Variants in ASMTL observed in about 807,000 individuals in gnomAD.
ASMTL encodes the protein probable bifunctional dTTP/UTP pyrophosphatase/methyltransferase protein.
ASMTL carries 57 observed loss-of-function variants against 60.3 expected under a neutral mutation model. The ratio of observed to expected loss-of-function variants is 0.95; its 90% CI spans 0.76 to 1.18. The LOEUF is 1.18. Ranked by LOEUF, ASMTL falls within the 50% of genes most tolerant of loss-of-function variation. The probability of loss-of-function intolerance (pLI) is 0.00; values close to 1 mark genes in which losing one functional copy is unlikely to be tolerated. For missense variants in ASMTL, 981 were observed against 852.6 expected (o/e 1.15, Z -1.88); for synonymous variants, 419 against 373.0 (o/e 1.12, Z -1.42).
chrX:1,436,504 C>T (rs1469527710), intron 3 of ASMTL, among the ~76,000 whole-genome samples: 2 of 152,186 alleles, frequency 1.3e-5, no homozygotes, highest in Non-Finnish European at 2.9e-5. Flanking sequence ...AGGCGCCCGC[C>T]ACCACACCCG....
intron 7 of ASMTL, among the ~76,000 whole-genome samples, chrX:1,427,305 C>T (rs5949095): frequency 0.65 from 98,020 of 151,620 alleles, 32,571 homozygotes; most frequent in East Asian, 0.83. Context: ...TGTGGTCCTC[C>T]TGAAAGATCT....
At chrX:1,423,352 G>A (rs765962824) in intron 8 of ASMTL, among the ~76,000 whole-genome samples, 142 of 152,152 alleles carry the variant, frequency 9.3e-4, no homozygotes, top group African/African-American at 3.2e-3. Flanking sequence ...TCTGTGGTAA[G>A]GGCACAGCCT....
chrX:1,415,623 G>A (rs2090215130), intron 11 of ASMTL, among the ~76,000 whole-genome samples: 1 of 151,852 alleles, frequency 6.6e-6, no homozygotes, highest in Admixed American at 6.6e-5. Flanking sequence ...CCGCCACCAC[G>A]CCCGGCTAAT....
At chrX:1,451,109 C>G (rs1481865926) in intron 1 of ASMTL, among the ~76,000 whole-genome samples, 75 of 62,232 alleles carry the variant, frequency 1.2e-3, no homozygotes, top group Middle Eastern at 0.031. Flanking sequence ...CATCCCTAGG[C>G]GGTCCTGGAT....
rs1308381532 is a variant in ASMTL, at chrX:1,428,229, C to T, written c.510-108G>A. On this transcript the variant is annotated intron_variant, in intron 6 of 12. Coordinates refer to ENST00000381317, the MANE Select transcript of ASMTL (RefSeq NM_004192.4). Reference sequence around the variant, plus strand: ...TGGGTGGATCACGAGGTCGGGAGATCGAGGCCATCCTGGCTAACACAGTGA... The same window carrying T: ...TGGGTGGATCACGAGGTCGGGAGATTGAGGCCATCCTGGCTAACACAGTGA... The T allele has an allele frequency of 1.0e-5, 14 of 1,373,768 alleles. No individual in the cohort carries two copies. The African/African-American group carries it at 1.3e-4, about 13-fold the overall frequency. The allele number at this position is 1,373,768 out of a possible 1,614,324, so 85.1% of individuals were successfully genotyped here.
intron 12 of ASMTL, among the ~76,000 whole-genome samples, chrX:1,411,813 T>C (rs1387625666): frequency 8.0e-4 from 84 of 104,952 alleles, no homozygotes; most frequent in African/African-American, 2.6e-3. Context: ...TTTCTTTTTT[T>C]TTTTTTTTTT....
intron 3 of ASMTL, among the ~76,000 whole-genome samples, chrX:1,436,025 G>A (rs1316672152): frequency 1.3e-5 from 2 of 152,058 alleles, no homozygotes; most frequent in Non-Finnish European, 2.9e-5. Flanking sequence ...CCTGGTAACC[G>A]CCCATCCTCT....
intron 1 of ASMTL, among the ~76,000 whole-genome samples, chrX:1,444,296 T>C (rs1422220208): frequency 2.0e-5 from 3 of 150,656 alleles, no homozygotes; most frequent in East Asian, 2.0e-4. Flanking sequence ...GCAAGCTCCA[T>C]CTCCCAGGAT....
intron 11 of ASMTL, among the ~76,000 whole-genome samples, chrX:1,416,686 GCAGA>G (rs1292092295): frequency 6.7e-6 from 1 of 149,434 alleles, no homozygotes; most frequent in Non-Finnish European, 1.5e-5. Context: ...AAACGCAGAT[GCAGA>G]CACAGAGACA....
intron 9 of ASMTL, among the ~76,000 whole-genome samples, chrX:1,420,715 C>G (rs760279739): frequency 6.6e-6 from 1 of 152,240 alleles, no homozygotes; most frequent in Admixed American, 6.5e-5. Flanking sequence ...TTGCAAACAG[C>G]GGCCTCAGAT....
At chrX:1,447,314 A>G (rs1310103163) in intron 1 of ASMTL, among the ~76,000 whole-genome samples, 1 of 152,230 alleles carries the variant, frequency 6.6e-6, no homozygotes, top group Non-Finnish European at 1.5e-5. Flanking sequence ...CATCTTGGAC[A>G]CACACCGCCA....
In ASMTL at chrX:1,413,421, C is replaced by T. The variant is rs774641709; in HGVS notation, c.1523-567G>A. Reference sequence around the variant, plus strand: ...GGCAGGCAGAGTCGGCGCACATGGGCGTGTGCCAGGGAGAGTCGGGGCCGC... The same window carrying T: ...GGCAGGCAGAGTCGGCGCACATGGGTGTGTGCCAGGGAGAGTCGGGGCCGC... On this transcript the variant is annotated intron_variant, in intron 11 of 12. Coordinates refer to ENST00000381317, the MANE Select transcript of ASMTL (RefSeq NM_004192.4). Among the ~76,000 whole-genome samples, 6 of 152,296 alleles carry T rather than the reference C, an allele frequency of 3.9e-5. No homozygotes were observed. In the South Asian group the frequency reaches 6.2e-4, roughly 16 times the overall value.
intron 11 of ASMTL, among the ~76,000 whole-genome samples, chrX:1,415,010 G>A (rs2090182460): frequency 6.6e-6 from 1 of 151,452 alleles, no homozygotes; most frequent in African/African-American, 2.4e-5. Flanking sequence ...GCGCGATCTC[G>A]GCTCACGGCA....
intron 7 of ASMTL, among the ~76,000 whole-genome samples, chrX:1,426,484 G>A (rs1219563891): frequency 1.3e-5 from 2 of 152,158 alleles, no homozygotes; most frequent in African/African-American, 2.4e-5. Flanking sequence ...GCCCTGTGAG[G>A]GACCCCTGGT....
At chrX:1,436,453 C>T (rs1360195039) in intron 3 of ASMTL, among the ~76,000 whole-genome samples, 1 of 150,072 alleles carries the variant, frequency 6.7e-6, no homozygotes, top group East Asian at 1.9e-4. Context: ...CCCGGGTTCA[C>T]GCCATTCTCC....
At chrX:1,435,167 A>C in intron 4 of ASMTL, 84 bp from the exon 5 acceptor site, 3 of 1,411,728 alleles carry the variant, frequency 2.1e-6, no homozygotes, top group Non-Finnish European at 3.0e-6. Flanking sequence ...CAGGGGAGGC[A>C]GCGAGGCGTC....
At chrX:1,431,337 AATT>A (rs1359410952) in intron 6 of ASMTL, among the ~76,000 whole-genome samples, 4 of 132,252 alleles carry the variant, frequency 3.0e-5, no homozygotes, top group African/African-American at 1.1e-4. Context: ...AATTATAAAT[AATT>A]ATAAATATAA....
chrX:1,445,096 T>C (rs1198463426), intron 1 of ASMTL, among the ~76,000 whole-genome samples: 5 of 152,180 alleles, frequency 3.3e-5, no homozygotes, highest in African/African-American at 1.2e-4. Flanking sequence ...TCCAGCCGTC[T>C]GGTAAGATCT....
At chrX:1,421,556 G>A (rs1300294217) in intron 9 of ASMTL, 102 bp downstream of exon 9, 3 of 1,291,280 alleles carry the variant, frequency 2.3e-6, no homozygotes, top group African/African-American at 1.5e-5. Context: ...GGATCTGTCA[G>A]ACTGGAGACA....
Sources: gnomAD v4.1 joint callset for allele counts (sites outside exome capture counted in the v4.1 genomes callset) on GRCh38, gnomAD v4.1.1 for gene constraint, MANE v1.5 for transcripts, NCBI Gene and HGNC (gene_info 2026-07-23, HGNC 2026-07-21) for gene names.